POMGNT1: variants seen among roughly 807,000 people sequenced by gnomAD.
The protein encoded by POMGNT1 is protein O-linked mannose N-acetylglucosaminyltransferase 1 (beta 1,2-), also known as protein O-linked-mannose beta-1,2-N-acetylglucosaminyltransferase 1.
POMGNT1 carries 67 observed loss-of-function variants against 95.6 expected under a neutral mutation model. The observed-to-expected ratio is 0.70, with a 90% CI of 0.58 to 0.86. The LOEUF is 0.86. Among genes scored for constraint, POMGNT1 ranks in the 40% least tolerant of loss-of-function variants. The pLI is 0.00. For missense variants in POMGNT1, 719 were observed against 855.2 expected (o/e 0.84, Z 1.99); for synonymous variants, 298 against 317.9 (o/e 0.94, Z 0.66).
intron 1 of POMGNT1, among the ~76,000 whole-genome samples, chr1:46,212,444 C>T (rs374913373): frequency 2.3e-3 from 344 of 152,016 alleles, no homozygotes; most frequent in African/African-American, 7.6e-3. Flanking sequence ...CCACGCCCAG[C>T]GAATTTTTTT....
chr1:46,202,376 C>T (rs1457379519), upstream of POMGNT1, among the ~76,000 whole-genome samples: 3 of 152,088 alleles, frequency 2.0e-5, no homozygotes, highest in East Asian at 3.9e-4. Context: ...GCAGCATGGC[C>T]ATCACCTGGG....
At chr1:46,213,238 T>TA (rs1211342359) in intron 1 of POMGNT1, among the ~76,000 whole-genome samples, 1 of 151,500 alleles carries the variant, frequency 6.6e-6, no homozygotes, top group East Asian at 1.9e-4. Flanking sequence ...AGTGATTTCA[T>TA]AAGATTATAA....
upstream of POMGNT1, among the ~76,000 whole-genome samples, chr1:46,200,052 C>T (rs900736690): frequency 3.2e-4 from 48 of 152,186 alleles, no homozygotes; most frequent in African/African-American, 1.1e-3. Context: ...CGCCTATAAT[C>T]GTAGCTACTC....
At chr1:46,209,669 C>CT (rs1658832202) in intron 1 of POMGNT1, among the ~76,000 whole-genome samples, 1 of 151,440 alleles carries the variant, frequency 6.6e-6, no homozygotes. Flanking sequence ...CCCGCCACCA[C>CT]ACAGCTAATT....
chr1:46,209,926 T>A, intron 1 of POMGNT1, among the ~76,000 whole-genome samples: 1 of 152,192 alleles, frequency 6.6e-6, no homozygotes, highest in East Asian at 1.9e-4. Context: ...GAGCTTTGTT[T>A]AATGTATTTA....
In POMGNT1 at chr1:46,193,570, G is replaced by GT; in HGVS notation, c.1019dup (p.Tyr340Ter). Residue 340 changes from tyrosine to a stop codon, truncating the protein, a stop_gained and frameshift_variant, in exon 11 of 22, where the codon TAC becomes TAAC. Coordinates refer to ENST00000371984, the MANE Select transcript of POMGNT1 (RefSeq NM_017739.4). LOFTEE classifies it high-confidence loss of function. Reference sequence around the variant, plus strand: ...CCCCCCAAGTCCTGCTCACCTCATAGTAGCCGTCAATGAAAACTGTTATCA... The same window carrying GT: ...CCCCCCAAGTCCTGCTCACCTCATAGTTAGCCGTCAATGAAAACTGTTATCA... Reference protein sequence around the residue: ...PQMITVFIDGYYEEPMDVVAL... With the variant: ...PQMITVFIDG 1 of 1,614,156 alleles carries GT rather than the reference G, an allele frequency of 6.2e-7. No individual in the cohort carries two copies. Among genetic ancestry groups the GT allele is most frequent in the Non-Finnish European group, 8.5e-7 (1 of 1,180,002 alleles).
chr1:46,197,396 C>T lies in POMGNT1; in HGVS notation c.120+306G>A, dbSNP rs750923173. The stretch of plus-strand genomic sequence containing the variant: ...CTAGAGATGGAGCCAGGCCCAGGGA[C>T]CCAAGCGGGGGATCAGACCTGGGTC... On this transcript the variant is annotated intron_variant, in intron 2 of 21. Transcript: ENST00000371984. The T allele has an allele frequency of 1.6e-5, 24 of 1,486,612 alleles. No individual in the cohort carries two copies. The South Asian group carries it at 2.9e-4, about 18-fold the overall frequency. 92.1% of individuals were successfully genotyped at this position (1,486,612 alleles called of 1,614,324 possible).
At chr1:46,202,920 G>GGGGGTGT (rs1658586504), upstream of POMGNT1, among the ~76,000 whole-genome samples, 2 of 64,514 alleles carry the variant, frequency 3.1e-5, no homozygotes, top group Non-Finnish European at 2.9e-5. Context: ...GGGGGGGGGT[G>GGGGGTGT]GTGTGTGTGT....
At position 46,195,876 on chromosome 1, in the gene POMGNT1, C is replaced by T; in HGVS notation, c.469G>A (p.Asp157Asn). 6.2e-7 allele frequency: 1 copy of T among 1,613,366 alleles called. No homozygotes were observed. Among genetic ancestry groups the T allele is most frequent in the Non-Finnish European group, 8.5e-7 (1 of 1,179,710 alleles). ...TTGAGGAATAGCACCATGGCCTCAT[C>T]CTCATGAGGTGAGTACGTGTCAAAC... ...RVFDTYSPHE[D>N]EAMVLFLNMV... The change falls in exon 6 of 22, where the codon GAT becomes AAT. Residue 157 changes from aspartate (D) to asparagine (N), a missense_variant. Transcript: ENST00000371984.
At chr1:46,193,754 G>C in intron 10 of POMGNT1, 101 bp downstream of exon 10, 5 of 1,597,064 alleles carry the variant, frequency 3.1e-6, no homozygotes, top group Non-Finnish European at 4.3e-6. Flanking sequence ...AATGCGTCTA[G>C]AATCTATTGC....
rs745343484 is a variant in POMGNT1, at chr1:46,192,148, G to A, written c.1489C>T (p.Arg497Ter). Reference protein sequence around the residue: ...GRECIIPDVSRSYHFGIVGLN... With the variant: ...GRECIIPDVS ...CCGACGATGCCAAAGTGGTAGGATC[G>A]GGAAACGTCAGGGATGATGCACTCT... The change falls in exon 17 of 22, where the codon CGA becomes TGA. Residue 497 changes from arginine (R) to a stop codon, truncating the protein, a stop_gained. Coordinates refer to ENST00000371984, the MANE Select transcript of POMGNT1 (RefSeq NM_017739.4). LOFTEE classifies it high-confidence loss of function. The A allele has an allele frequency of 3.7e-6, 6 of 1,613,926 alleles. No individual in the cohort carries two copies. Among genetic ancestry groups the A allele is most frequent in the Admixed American group, 3.3e-5 (2 of 59,980 alleles).
rs535136286 is a variant in POMGNT1, at chr1:46,212,852, C to T, written c.-51+6853G>A. On this transcript the variant is annotated intron_variant, in intron 1 of 22. Coordinates refer to the POMGNT1 transcript ENST00000371992. ...CCAGCTCACTGCAAGCTCCACCTCC[C>T]GAGTTCACACCATTCTCTTGCCTCA... Among the ~76,000 whole-genome samples, 18 of 152,210 alleles carry T rather than the reference C, an allele frequency of 1.2e-4. No individual in the cohort carries two copies. The East Asian group carries it at 1.9e-3, about 16-fold the overall frequency.
chr1:46,207,176 G>A (rs1411917187), intron 1 of POMGNT1, among the ~76,000 whole-genome samples: 1 of 151,914 alleles, frequency 6.6e-6, no homozygotes, highest in Non-Finnish European at 1.5e-5. Context: ...TGCCTTCCAA[G>A]CTCAAGCGGT....
At chr1:46,219,735 C>T (rs1265984097) in exon 1 of POMGNT1, 2 of 1,607,034 alleles carry the variant, frequency 1.2e-6, no homozygotes, top group Non-Finnish European at 1.7e-6. Flanking sequence ...GATCCTGCAG[C>T]AGCTGGTGAC....
chr1:46,212,443 G>C (rs1332149756), intron 1 of POMGNT1, among the ~76,000 whole-genome samples: 1 of 151,912 alleles, frequency 6.6e-6, no homozygotes, highest in Non-Finnish European at 1.5e-5. Flanking sequence ...GCCACGCCCA[G>C]CGAATTTTTT....
chr1:46,211,307 A>C (rs1328431420), intron 1 of POMGNT1, among the ~76,000 whole-genome samples: 1 of 152,128 alleles, frequency 6.6e-6, no homozygotes, highest in Non-Finnish European at 1.5e-5. Flanking sequence ...CTACTCTGGG[A>C]AGGTGAGAGG....
chr1:46,203,356 G>A (rs940224302), upstream of POMGNT1: 4 of 1,380,078 alleles, frequency 2.9e-6, no homozygotes, highest in Non-Finnish European at 3.8e-6. Context: ...CTTTAGCAGC[G>A]GCGAAGGGAG....
chr1:46,207,547 T>TC (rs1423569256), intron 1 of POMGNT1, among the ~76,000 whole-genome samples: 31 of 151,678 alleles, frequency 2.0e-4, no homozygotes, highest in Non-Finnish European at 3.7e-4. Context: ...TTTCTTTCTT[T>TC]TTTTTTTTTG....
intron 1 of POMGNT1, 158 bp downstream of exon 1, chr1:46,198,178 G>A: frequency 3.5e-6 from 1 of 288,638 alleles, no homozygotes; most frequent in Non-Finnish European, 6.7e-6. Flanking sequence ...AGCCTGTGGT[G>A]AGCAAAGAGC....
Sources: allele counts gnomAD v4.1 joint callset (sites outside exome capture counted in the v4.1 genomes callset), GRCh38; gene constraint gnomAD v4.1.1; transcripts MANE v1.5; gene names NCBI Gene and HGNC (gene_info 2026-07-23, HGNC 2026-07-21).